The following ZNF605 variants were observed in gnomAD, a reference collection of about 807,000 sequenced individuals.
The protein encoded by ZNF605 is zinc finger protein 605.
ZNF605 carries 9 observed loss-of-function variants against 7.9 expected under a neutral mutation model. The ratio of observed to expected loss-of-function variants is 1.14; its 90% CI spans 0.68 to 1.98. The LOEUF is 1.98. Ranked by LOEUF, ZNF605 falls within the 30% of genes most tolerant of loss-of-function variation. The pLI is 0.00. For synonymous variants in ZNF605, 255 were observed against 260.1 expected, an observed-to-expected ratio of 0.98 and a Z score of 0.19; for missense variants, 673 against 762.4, an observed-to-expected ratio of 0.88 and a Z score of 1.38.
intron 3 of ZNF605, among the ~76,000 whole-genome samples, chr12:132,938,259 C>T (rs1196402399): frequency 6.6e-6 from 1 of 152,010 alleles, no homozygotes; most frequent in East Asian, 1.9e-4. Flanking sequence ...GGATTACAGG[C>T]AAGAGCCACT....
intron 3 of ZNF605, among the ~76,000 whole-genome samples, chr12:132,942,539 T>C (rs375550073): frequency 1.3e-5 from 2 of 152,230 alleles, no homozygotes; most frequent in Non-Finnish European, 2.9e-5. Flanking sequence ...CTAAACCCAA[T>C]GATCCAGACT....
intron 1 of ZNF605, among the ~76,000 whole-genome samples, chr12:132,950,522 C>T (rs1952547037): frequency 6.6e-6 from 1 of 151,708 alleles, no homozygotes; most frequent in South Asian, 2.1e-4. Flanking sequence ...CATGCACACA[C>T]ACAGACGCAC....
In ZNF605 at chr12:132,924,792, C is replaced by T. The variant is rs1355120045; in HGVS notation, c.*581G>A. The T allele has an allele frequency of 6.6e-6, 1 of 152,292 alleles. No homozygotes were observed. The highest frequency in any genetic ancestry group is 2.4e-5 in the African/African-American group (1 of 41,456). 9.4% of individuals were successfully genotyped at this position (152,292 alleles called of 1,614,324 possible). On this transcript the variant is annotated 3_prime_UTR_variant, in exon 5 of 5. Transcript: ENST00000360187. ...AGAGGAAATCTGACCCTTGTTATTC[C>T]ATCACAGCAGTAAGGAGAACTCTTC...
Position 132,924,769 on chromosome 12 carries a change from A to G in ZNF605, c.*604T>C, listed in dbSNP as rs1952231013. On this transcript the variant is annotated 3_prime_UTR_variant, in exon 5 of 5. Coordinates refer to ENST00000360187, the MANE Select transcript of ZNF605 (RefSeq NM_183238.4). The stretch of plus-strand genomic sequence containing the variant: ...AGCTTCCAGTTGTTTAAGGCAGGAG[A>G]GGAAATCTGACCCTTGTTATTCCAT... 6.6e-6 allele frequency: 1 copy of G among 152,308 alleles called. No homozygotes were observed. The highest frequency in any genetic ancestry group is 1.5e-5 in the Non-Finnish European group (1 of 68,144). 9.4% of individuals were successfully genotyped at this position (152,308 alleles called of 1,614,324 possible). A position where few individuals can be genotyped will look rare whatever the true frequency, so the allele number is the denominator to read the frequency against.
chr12:132,936,175 A>C (rs1952364789), intron 3 of ZNF605, among the ~76,000 whole-genome samples: 1 of 152,008 alleles, frequency 6.6e-6, no homozygotes, highest in African/African-American at 2.4e-5. Flanking sequence ...TGAGAGGTTA[A>C]TGAAAGTACG....
chr12:132,926,960 AT>A lies in ZNF605; in HGVS notation c.338del (p.Asn113IlefsTer28). The part of the protein sequence containing the change: ...KCPFDLLIPK[N>X]NCERKKIDEL... Reference sequence around the variant, plus strand: ...CATCAATTTTCTTTCTTTCACAATTATTTTTTGGAATAAGCAAATCAAAAGG... The same window carrying A: ...CATCAATTTTCTTTCTTTCACAATTATTTTTGGAATAAGCAAATCAAAAGG... On this transcript the variant is annotated frameshift_variant, in exon 5 of 5. Transcript: ENST00000360187. LOFTEE classifies it low-confidence loss of function (END_TRUNC). 6.2e-7 allele frequency: 1 copy of A among 1,610,854 alleles called. No individual in the cohort carries two copies.
intron 1 of ZNF605, among the ~76,000 whole-genome samples, chr12:132,949,016 T>C (rs1952527685): frequency 6.6e-6 from 1 of 151,958 alleles, no homozygotes; most frequent in Non-Finnish European, 1.5e-5. Flanking sequence ...GCTTGGTATC[T>C]GTTGGGGGAA....
At chr12:132,932,606 G>T in intron 4 of ZNF605, 1 of 701,858 alleles carries the variant, frequency 1.4e-6, no homozygotes. Flanking sequence ...TAAAGATTCA[G>T]GAACTTTAAA....
In ZNF605 at chr12:132,939,079, C is replaced by T. The variant is rs1022288848; in HGVS notation, c.16-5924G>A. Among the ~76,000 whole-genome samples the T allele has an allele frequency of 3.8e-3, 580 of 151,400 alleles. 2 individuals are homozygous for T. The highest frequency in any genetic ancestry group is 6.7e-3 in the Non-Finnish European group (450 of 67,400). On this transcript the variant is annotated intron_variant, in intron 3 of 4. Coordinates refer to ENST00000360187, the MANE Select transcript of ZNF605 (RefSeq NM_183238.4). The stretch of plus-strand genomic sequence containing the variant: ...ATGCGGCCCCAGCCTCCCTGACGAG[C>T]ACCACCCCCTGCTCCACGGCGCCCA...
chr12:132,919,504 C>T lies in ZNF605; in HGVS notation c.*5869G>A, dbSNP rs981272104. On this transcript the variant is annotated 3_prime_UTR_variant, in exon 5 of 5. Coordinates refer to ENST00000360187, the MANE Select transcript of ZNF605 (RefSeq NM_183238.4). Reference sequence around the variant, plus strand: ...TCCCGGGTTCACGCCATTCTCCTGCCTCAGCCTCCCGAGTAGCTGGGACTA... The same window carrying T: ...TCCCGGGTTCACGCCATTCTCCTGCTTCAGCCTCCCGAGTAGCTGGGACTA... 1 of 151,786 alleles carries T rather than the reference C, an allele frequency of 6.6e-6. No homozygotes were observed. Among genetic ancestry groups the T allele is most frequent in the African/African-American group, 2.4e-5 (1 of 41,258 alleles). The allele number at this position is 151,786 out of a possible 1,614,324, so 9.4% of individuals were successfully genotyped here.
At chr12:132,949,851 A>G (rs1952538630) in intron 1 of ZNF605, among the ~76,000 whole-genome samples, 3 of 152,332 alleles carry the variant, frequency 2.0e-5, no homozygotes, top group South Asian at 4.1e-4. Context: ...GGCATGGCGC[A>G]GGCTTCGCCC....
intron 3 of ZNF605, among the ~76,000 whole-genome samples, chr12:132,943,856 T>C (rs753268529): frequency 6.6e-6 from 1 of 152,130 alleles, no homozygotes; most frequent in Non-Finnish European, 1.5e-5. Context: ...AAAATGAGGC[T>C]GGAGCTTGCT....
chr12:132,927,200 C>G, intron 4 of ZNF605, 38 bp from the exon 5 acceptor site: 1 of 1,425,980 alleles, frequency 7.0e-7, no homozygotes, highest in Non-Finnish European at 9.3e-7. Flanking sequence ...TGTGTAATTC[C>G]TTCAATTATT....
At chr12:132,946,211 G>T (rs976124845) in intron 2 of ZNF605, among the ~76,000 whole-genome samples, 3 of 150,070 alleles carry the variant, frequency 2.0e-5, no homozygotes, top group Non-Finnish European at 3.0e-5. Flanking sequence ...CAAATTACTT[G>T]TGTTAAGTGC....
At chr12:132,943,257 G>A (rs1264731108) in intron 3 of ZNF605, among the ~76,000 whole-genome samples, 3 of 151,930 alleles carry the variant, frequency 2.0e-5, no homozygotes, top group African/African-American at 7.3e-5. Flanking sequence ...TACTCGGGAG[G>A]CTGAGGCAGG....
chr12:132,950,512 C>T (rs1490244470), intron 1 of ZNF605, among the ~76,000 whole-genome samples: 3 of 151,256 alleles, frequency 2.0e-5, no homozygotes, highest in African/African-American at 7.3e-5. Context: ...CATGCGCAGA[C>T]ATGCACACAC....
At chr12:132,954,479 G>T (rs1160944972) in intron 1 of ZNF605, among the ~76,000 whole-genome samples, 2 of 47,336 alleles carry the variant, frequency 4.2e-5, no homozygotes, top group African/African-American at 7.3e-5. Flanking sequence ...AGGAGAAGGG[G>T]CTTCTGTCCT....
At chr12:132,942,837 G>T (rs1258712653) in intron 3 of ZNF605, among the ~76,000 whole-genome samples, 1 of 152,150 alleles carries the variant, frequency 6.6e-6, no homozygotes, top group Non-Finnish European at 1.5e-5. Context: ...GTCTTTCCTG[G>T]CATGGCAACT....
At chr12:132,932,941 T>A (rs1044327078) in intron 4 of ZNF605, 94 bp downstream of exon 4, 305 of 1,450,464 alleles carry the variant, frequency 2.1e-4, no homozygotes, top group Middle Eastern at 1.1e-3. Context: ...AAAAGTCAAA[T>A]AATCTTTGAC....
Sources: gnomAD v4.1 joint callset for allele counts (sites outside exome capture counted in the v4.1 genomes callset) on GRCh38, gnomAD v4.1.1 for gene constraint, MANE v1.5 for transcripts, NCBI Gene and HGNC (gene_info 2026-07-23, HGNC 2026-07-21) for gene names.